Variants in COBL observed in about 807,000 individuals in gnomAD.
COBL encodes cordon-bleu WH2 repeat protein.
In COBL, 51 loss-of-function variants were observed where a neutral mutation model predicts 98.8. The ratio of observed to expected loss-of-function variants is 0.52; its 90% confidence interval spans 0.41 to 0.65. The LOEUF is 0.65. COBL is among the 30% of genes least tolerant of loss of function. COBL has a pLI of 0.00. For synonymous variants in COBL, 634 were observed against 651.7 expected (o/e 0.97, Z 0.41); for missense variants, 1,617 against 1,617.5 (o/e 1.00, Z 0.01).
At position 51,191,000 on chromosome 7, in the gene COBL, TC is replaced by T. The variant is rs1476760970; in HGVS notation, c.534del (p.Asn179IlefsTer35). 6.2e-7 allele frequency: 1 copy of T among 1,614,064 alleles called. No homozygotes were observed. Among genetic ancestry groups the T allele is most frequent in the East Asian group, 2.2e-5 (1 of 44,890 alleles). ...VVRVSPEVPL[Q>X]NILPVICAKC... ...TTTGCACAAATGACTGGGAGAATAT[TC>T]TGGAGAGGAACCTCAGGGCTCACAC... On this transcript the variant is annotated frameshift_variant, in exon 4 of 13. Coordinates refer to ENST00000265136, the MANE Select transcript of COBL (RefSeq NM_015198.5). LOFTEE classifies it high-confidence loss of function.
intron 1 of COBL, among the ~76,000 whole-genome samples, chr7:51,265,229 G>A (rs11765659): frequency 2.0e-5 from 3 of 152,336 alleles, no homozygotes; most frequent in South Asian, 2.1e-4. Flanking sequence ...CAAGGGTAGT[G>A]CCACATCTGC....
intron 12 of COBL, among the ~76,000 whole-genome samples, chr7:51,024,077 A>C (rs964298481): frequency 2.0e-5 from 3 of 152,166 alleles, no homozygotes; most frequent in African/African-American, 7.2e-5. Flanking sequence ...TGGGAGGCCG[A>C]GACAGGCGGA....
At chr7:51,037,052 ATCTC>A (rs149344054) in intron 8 of COBL, among the ~76,000 whole-genome samples, 9 of 151,608 alleles carry the variant, frequency 5.9e-5, no homozygotes, top group Middle Eastern at 3.4e-3. Flanking sequence ...TTCCCCATCC[ATCTC>A]TCTCTCTCTG....
rs188176378 is a variant in COBL at position 51,026,446 on chromosome 7, C to T, written c.3504+100G>A. The T allele has an allele frequency of 8.2e-5, 120 of 1,461,140 alleles. No homozygotes were observed. The African/African-American group carries it at 1.5e-3, about 18-fold the overall frequency. The allele number at this position is 1,461,140 out of a possible 1,614,324, so 90.5% of individuals were successfully genotyped here. A position where few individuals can be genotyped will look rare whatever the true frequency, so the allele number is the denominator to read the frequency against. The stretch of plus-strand genomic sequence containing the variant: ...AAAGACAGATGGTTCACCATCCAAT[C>T]GGAAGGACAGAAGCTTCTGCAGCCA... On this transcript the variant is annotated intron_variant, in intron 11 of 12. Coordinates refer to ENST00000265136, the MANE Select transcript of COBL (RefSeq NM_015198.5).
intron 1 of COBL, among the ~76,000 whole-genome samples, chr7:51,269,318 A>C (rs947763084): frequency 2.0e-5 from 3 of 152,192 alleles, no homozygotes; most frequent in Non-Finnish European, 4.4e-5. Flanking sequence ...GCATCCACAC[A>C]GGGGACAGAA....
chr7:51,240,028 C>G (rs1048455679), intron 1 of COBL, among the ~76,000 whole-genome samples: 2 of 152,184 alleles, frequency 1.3e-5, no homozygotes, highest in Admixed American at 1.3e-4. Flanking sequence ...AATTTTGAAT[C>G]TCATATAATT....
Position 51,028,613 on chromosome 7 carries a change from G to A in COBL, c.2483C>T (p.Pro828Leu), listed in dbSNP as rs1358202964. 2 of 1,613,936 alleles carry A rather than the reference G, an allele frequency of 1.2e-6. No homozygotes were observed. Among genetic ancestry groups the A allele is most frequent in the East Asian group, 2.2e-5 (1 of 44,874 alleles). Residue 828 changes from proline to leucine, a missense_variant, in exon 10 of 13, where the codon CCC (proline) becomes CTC (leucine). Physicochemically the swap from Pro to Leu is moderately conservative, Grantham distance 98. Around this residue, in one of 3 missense-constraint regions of COBL, gnomAD observed 1,304 missense variants for 1,282.0 expected, o/e 1.02. Coordinates refer to ENST00000265136, the MANE Select transcript of COBL (RefSeq NM_015198.5). The part of the protein sequence containing the change: ...QKSAHHEGRN[P>L]LGEGRNQPPT... ...GGGCTGGTTTCTCCCCTCCCCTAGG[G>A]GGTTCCGGCCCTCATGGTGGGCAGA...
chr7:51,081,747 T>C (rs913415586), intron 7 of COBL, among the ~76,000 whole-genome samples: 3 of 152,134 alleles, frequency 2.0e-5, no homozygotes, highest in Non-Finnish European at 4.4e-5. Flanking sequence ...TCCAGCTATC[T>C]TTCCCTCACT....
intron 1 of COBL, among the ~76,000 whole-genome samples, chr7:51,254,065 TGA>T (rs1363451186): frequency 1.4e-5 from 2 of 138,394 alleles, no homozygotes; most frequent in African/African-American, 2.5e-5. Flanking sequence ...TCTTCCTTTT[TGA>T]GTTGTTTTTT....
rs1009145969 is a variant in COBL at position 51,037,842 on chromosome 7, A to C, written c.1406+5541T>G. 6.6e-5 allele frequency among the ~76,000 whole-genome samples: 10 copies of C among 152,328 alleles called. 1 individual carries two copies. Among genetic ancestry groups the C allele is most frequent in the Admixed American group, 2.6e-4 (4 of 15,314 alleles). ...CTTTTCAAATTGCAGCAGCACATAT[A>C]ACATATTCTAATAATTATTATTTTT... On this transcript the variant is annotated intron_variant, in intron 8 of 12. Coordinates refer to ENST00000265136, the MANE Select transcript of COBL (RefSeq NM_015198.5).
chr7:51,307,892 C>A (rs1802638828), intron 1 of COBL, among the ~76,000 whole-genome samples: 1 of 152,218 alleles, frequency 6.6e-6, no homozygotes, highest in Non-Finnish European at 1.5e-5. Flanking sequence ...GGTGGCTTGG[C>A]TCTTGTGAGA....
intron 1 of COBL, among the ~76,000 whole-genome samples, chr7:51,276,427 G>A (rs1008939544): frequency 3.3e-5 from 5 of 152,214 alleles, no homozygotes; most frequent in African/African-American, 1.2e-4. Context: ...GGCCGGGGAC[G>A]GGCCATACCC....
intron 5 of COBL, among the ~76,000 whole-genome samples, chr7:51,168,875 T>C (rs1562989447): frequency 6.6e-6 from 1 of 152,156 alleles, no homozygotes; most frequent in Non-Finnish European, 1.5e-5. Flanking sequence ...CATCAGCAGA[T>C]GAATGGATAA....
chr7:51,150,220 A>G, intron 5 of COBL, among the ~76,000 whole-genome samples: 1 of 152,232 alleles, frequency 6.6e-6, no homozygotes, highest in Non-Finnish European at 1.5e-5. Flanking sequence ...GTGCCTTAGC[A>G]GAGTAGCCCA....
intron 6 of COBL, among the ~76,000 whole-genome samples, chr7:51,087,508 GT>G (rs1036072116): frequency 2.0e-5 from 3 of 151,454 alleles, no homozygotes; most frequent in Non-Finnish European, 4.4e-5. Context: ...GTTGTTGCTT[GT>G]TTTTTTTGAG....
intron 6 of COBL, among the ~76,000 whole-genome samples, chr7:51,093,547 C>T (rs1795004561): frequency 6.6e-6 from 1 of 152,204 alleles, no homozygotes; most frequent in Non-Finnish European, 1.5e-5. Flanking sequence ...ATCTGCACTT[C>T]TATGTTCATT....
chr7:51,141,582 T>C (rs1799752276), intron 5 of COBL, among the ~76,000 whole-genome samples: 2 of 151,776 alleles, frequency 1.3e-5, no homozygotes, highest in Admixed American at 1.3e-4. Flanking sequence ...TGTTGCTGCC[T>C]GCAGCCTCCT....
At chr7:51,274,270 C>T (rs551903622) in intron 1 of COBL, among the ~76,000 whole-genome samples, 1 of 152,328 alleles carries the variant, frequency 6.6e-6, no homozygotes, top group African/African-American at 2.4e-5. Context: ...AAACACACTG[C>T]ACATGACCCT....
chr7:51,214,292 TAAATA>T (rs1792797818), intron 2 of COBL, among the ~76,000 whole-genome samples: 1 of 149,270 alleles, frequency 6.7e-6, no homozygotes. Flanking sequence ...AATAAATAAA[TAAATA>T]AATAAATAAA....
Sources: gnomAD v4.1 joint callset for allele counts (sites outside exome capture counted in the v4.1 genomes callset) on GRCh38, gnomAD v4.1.1 for gene constraint, gnomAD v4.1.1 regional missense constraint, MANE v1.5 for transcripts, NCBI Gene and HGNC (gene_info 2026-07-23, HGNC 2026-07-21) for gene names.